The following RAP1GAP2 variants were observed in gnomAD, a reference collection of about 807,000 sequenced individuals.
RAP1GAP2 encodes RAP1 GTPase activating protein 2, also known as rap1 GTPase-activating protein 2.
In RAP1GAP2, 27 loss-of-function variants were observed where a neutral mutation model predicts 95.0. The ratio of observed to expected loss-of-function variants is 0.28; its 90% CI spans 0.21 to 0.39. The LOEUF is 0.39. Among genes scored for constraint, RAP1GAP2 ranks in the 10% least tolerant of loss-of-function variants. The pLI, the probability that RAP1GAP2 is intolerant of heterozygous loss-of-function variation, is 1.00. For missense variants in RAP1GAP2, 771 were observed against 970.0 expected (o/e 0.79, Z 2.72); for synonymous variants, 373 against 380.9 (o/e 0.98, Z 0.24).
chr17:2,858,802 A>G (rs1283554050), intron 2 of RAP1GAP2, among the ~76,000 whole-genome samples: 1 of 151,966 alleles, frequency 6.6e-6, no homozygotes, highest in Non-Finnish European at 1.5e-5. Flanking sequence ...GGTCCCAGCT[A>G]CTCGGGAGGC....
chr17:2,829,685 A>AATTATACTCCGTGCTCTGT, intron 2 of RAP1GAP2, among the ~76,000 whole-genome samples: 1 of 152,250 alleles, frequency 6.6e-6, no homozygotes, highest in Non-Finnish European at 1.5e-5. Flanking sequence ...TTCTCAGGGG[A>AATTATACTCCGTGCTCTGT]GACTAAGCTG....
intron 2 of RAP1GAP2, among the ~76,000 whole-genome samples, chr17:2,845,685 A>G (rs1163288124): frequency 6.6e-6 from 1 of 150,528 alleles, no homozygotes; most frequent in Non-Finnish European, 1.5e-5. Flanking sequence ...ACATGGTGAA[A>G]CCCCATTTCT....
intron 2 of RAP1GAP2, among the ~76,000 whole-genome samples, chr17:2,803,896 G>GAACAA (rs949840361): frequency 1.3e-5 from 2 of 151,674 alleles, no homozygotes; most frequent in African/African-American, 4.9e-5. Context: ...AACAAAAACA[G>GAACAA]AACAAAACAA....
intron 4 of RAP1GAP2, among the ~76,000 whole-genome samples, chr17:2,958,193 G>A (rs2151474701): frequency 6.6e-6 from 1 of 152,248 alleles, no homozygotes; most frequent in East Asian, 1.9e-4. Flanking sequence ...GCTGGCTTGT[G>A]TTCAAGTCCT....
rs1323678613 is a variant in RAP1GAP2 at position 2,796,446 on chromosome 17, C to T, written c.-82C>T. Reference sequence around the variant, plus strand: ...CCCCGCCCTGCACCGGCACTGACCCCGCTGTACCACGGCCCTCTTGCGGAC... The same window carrying T: ...CCCCGCCCTGCACCGGCACTGACCCTGCTGTACCACGGCCCTCTTGCGGAC... On this transcript the variant is annotated 5_prime_UTR_variant, in exon 1 of 25. Transcript: ENST00000254695. The surrounding 1 kb of genome is among the most constrained non-coding windows in gnomAD (Gnocchi z 4.7). 101 of 1,488,560 alleles carry T rather than the reference C, an allele frequency of 6.8e-5. No homozygotes were observed. Among genetic ancestry groups the T allele is most frequent in the Non-Finnish European group, 8.1e-5 (88 of 1,091,930 alleles). 92.2% of individuals were successfully genotyped at this position (1,488,560 alleles called of 1,614,324 possible).
At chr17:2,852,540 G>A (rs1567710204) in intron 2 of RAP1GAP2, among the ~76,000 whole-genome samples, 1 of 152,134 alleles carries the variant, frequency 6.6e-6, no homozygotes, top group Non-Finnish European at 1.5e-5. Flanking sequence ...ACCCAGCATG[G>A]TCCCCTCCCT....
chr17:2,833,330 T>G (rs1181066327), intron 2 of RAP1GAP2, among the ~76,000 whole-genome samples: 3 of 151,116 alleles, frequency 2.0e-5, no homozygotes, highest in Non-Finnish European at 4.4e-5. Flanking sequence ...AGAGATGAGG[T>G]TTCACCATGT....
chr17:2,878,242 A>G (rs1371598266), intron 2 of RAP1GAP2, among the ~76,000 whole-genome samples: 1 of 152,070 alleles, frequency 6.6e-6, no homozygotes, highest in Non-Finnish European at 1.5e-5. Context: ...TTTAATTGCA[A>G]GAGAACCTAG....
chr17:2,854,538 C>T (rs899514196), intron 2 of RAP1GAP2, among the ~76,000 whole-genome samples: 1 of 152,250 alleles, frequency 6.6e-6, no homozygotes, highest in Non-Finnish European at 1.5e-5. Flanking sequence ...CGCTCGGTGC[C>T]GGCAGGCGAG....
chr17:2,820,182 T>G (rs2070220700), intron 2 of RAP1GAP2, among the ~76,000 whole-genome samples: 1 of 152,142 alleles, frequency 6.6e-6, no homozygotes, highest in Admixed American at 6.6e-5. Flanking sequence ...CTAGGTCGTT[T>G]CCATTTTCTG....
intron 2 of RAP1GAP2, among the ~76,000 whole-genome samples, chr17:2,860,747 G>A (rs1009494647): frequency 1.3e-5 from 2 of 151,578 alleles, no homozygotes; most frequent in Non-Finnish European, 2.9e-5. Flanking sequence ...GGGATTACAG[G>A]CACGCACTAC....
intron 2 of RAP1GAP2, among the ~76,000 whole-genome samples, chr17:2,771,069 C>A (rs569644323): frequency 1.0e-3 from 151 of 151,662 alleles, no homozygotes; most frequent in African/African-American, 3.5e-3. Flanking sequence ...AACAAACAAA[C>A]AACAAACAAC....
chr17:2,893,857 G>A (rs2073801133), intron 2 of RAP1GAP2, among the ~76,000 whole-genome samples: 1 of 152,198 alleles, frequency 6.6e-6, no homozygotes, highest in Admixed American at 6.5e-5. Flanking sequence ...TCAGCGCAGG[G>A]GAGGTGGAGC....
chr17:2,873,955 TG>T (rs953852236), intron 2 of RAP1GAP2, among the ~76,000 whole-genome samples: 19 of 141,772 alleles, frequency 1.3e-4, no homozygotes, highest in Admixed American at 6.4e-4. Flanking sequence ...AGAGACGCGG[TG>T]GGGGGGGGCG....
rs528303914 is a variant in RAP1GAP2 at position 2,979,276 on chromosome 17, G to T, written c.597-1011G>T. On this transcript the variant is annotated intron_variant, in intron 8 of 24. Coordinates refer to ENST00000254695, the MANE Select transcript of RAP1GAP2 (RefSeq NM_015085.5). ...CCCATTTATATTTTGAGTAAGCCCAGATTTTGAAATACTAGGTTTTCTTTT... is the reference window on the plus strand; with the variant it reads ...CCCATTTATATTTTGAGTAAGCCCATATTTTGAAATACTAGGTTTTCTTTT... 2.6e-5 allele frequency among the ~76,000 whole-genome samples: 4 copies of T among 152,200 alleles called. No homozygotes were observed. The East Asian group carries it at 7.7e-4, about 29-fold the overall frequency.
intron 1 of RAP1GAP2, among the ~76,000 whole-genome samples, chr17:2,799,150 CAG>C: frequency 6.6e-6 from 1 of 152,200 alleles, no homozygotes; most frequent in South Asian, 2.1e-4. Flanking sequence ...CGCGTTACAG[CAG>C]AGTGTGGGGC....
chr17:2,905,651 C>A (rs2042173516), intron 3 of RAP1GAP2, among the ~76,000 whole-genome samples: 1 of 152,162 alleles, frequency 6.6e-6, no homozygotes. Flanking sequence ...GGGGCCCAGC[C>A]AGGAGGAAGC....
At chr17:3,018,303 C>G (rs939855726) in intron 18 of RAP1GAP2, 105 bp downstream of exon 18, 1 of 1,409,584 alleles carries the variant, frequency 7.1e-7, no homozygotes, top group Non-Finnish European at 9.4e-7. Flanking sequence ...GTGACTTGAT[C>G]AGGGCAAGCT....
chr17:2,841,728 C>A (rs2151571619), intron 2 of RAP1GAP2, among the ~76,000 whole-genome samples: 1 of 152,264 alleles, frequency 6.6e-6, no homozygotes, highest in East Asian at 1.9e-4. Flanking sequence ...AGTGTCATCT[C>A]CTGGCCTGTT....
Sources: allele counts gnomAD v4.1 joint callset (sites outside exome capture counted in the v4.1 genomes callset), GRCh38; gene constraint gnomAD v4.1.1; non-coding constraint Gnocchi (gnomAD v3.1); transcripts MANE v1.5; gene names NCBI Gene and HGNC (gene_info 2026-07-23, HGNC 2026-07-21).